Variants in PTPRN2 observed in about 807,000 individuals in gnomAD.
The protein encoded by PTPRN2 is receptor-type tyrosine-protein phosphatase N2.
Under a neutral mutation model 118.8 loss-of-function variants are expected in PTPRN2, and 74 were observed. The ratio of observed to expected loss-of-function variants is 0.62; its 90% CI spans 0.52 to 0.76. PTPRN2 has a LOEUF of 0.76. PTPRN2 is among the 30% of genes least tolerant of loss of function. The probability of loss-of-function intolerance (pLI) is 0.00; values close to 1 mark genes in which losing one functional copy is unlikely to be tolerated. For synonymous variants in PTPRN2, 641 were observed against 608.0 expected (o/e 1.05, Z -0.80); for missense variants, 1,481 against 1,394.4 (o/e 1.06, Z -0.99).
At chr7:158,368,387 T>C (rs1208335341) in intron 2 of PTPRN2, among the ~76,000 whole-genome samples, 2 of 152,124 alleles carry the variant, frequency 1.3e-5, no homozygotes, top group Non-Finnish European at 2.9e-5. Context: ...ACAAACTTTC[T>C]TGAAAAAGAA....
intron 11 of PTPRN2, among the ~76,000 whole-genome samples, chr7:157,980,034 G>C (rs1038107495): frequency 3.9e-5 from 6 of 152,222 alleles, no homozygotes; most frequent in African/African-American, 1.4e-4. Context: ...GCCTCATAAA[G>C]ATAATCACTG....
chr7:157,851,930 TCGCTGCGGGCAACAC>T (rs528826491), intron 12 of PTPRN2, among the ~76,000 whole-genome samples: 59 of 152,324 alleles, frequency 3.9e-4, no homozygotes, highest in Non-Finnish European at 4.1e-4. Flanking sequence ...TCCGCCCACC[TCGCTGCGGGCAACAC>T]CCGTTTTCCT....
chr7:158,226,787 G>A (rs1405835664), intron 3 of PTPRN2, among the ~76,000 whole-genome samples: 5 of 151,180 alleles, frequency 3.3e-5, no homozygotes, highest in South Asian at 4.2e-4. Flanking sequence ...AGCCTCTCAC[G>A]TATCACTGTG....
intron 2 of PTPRN2, among the ~76,000 whole-genome samples, chr7:158,472,418 C>T (rs779020272): frequency 8.5e-5 from 13 of 152,286 alleles, no homozygotes; most frequent in East Asian, 3.9e-4. Flanking sequence ...TTGTCAGTGA[C>T]GGTGCAGAAA....
At chr7:158,535,604 A>T (rs1454298555) in intron 1 of PTPRN2, among the ~76,000 whole-genome samples, 1 of 152,118 alleles carries the variant, frequency 6.6e-6, no homozygotes, top group Non-Finnish European at 1.5e-5. Flanking sequence ...TTCTTGTAGC[A>T]TTCAGGTGGC....
chr7:157,945,708 A>G (rs1189004945), intron 11 of PTPRN2, among the ~76,000 whole-genome samples: 6 of 146,732 alleles, frequency 4.1e-5, no homozygotes, highest in Non-Finnish European at 9.0e-5. Context: ...GTCACCTCCA[A>G]CTTGGATGAT....
At chr7:158,062,845 G>A (rs747792542) in intron 11 of PTPRN2, among the ~76,000 whole-genome samples, 7 of 152,212 alleles carry the variant, frequency 4.6e-5, no homozygotes, top group Non-Finnish European at 8.8e-5. Context: ...CACCATGCCT[G>A]AGCCTCCCCT....
At chr7:157,814,431 GGCAGGACGGGA>G (rs1806257158) in intron 12 of PTPRN2, among the ~76,000 whole-genome samples, 1 of 151,912 alleles carries the variant, frequency 6.6e-6, no homozygotes, top group Non-Finnish European at 1.5e-5. Context: ...CTCGACATGG[GGCAGGACGGGA>G]GCAGGATGGG....
chr7:157,770,051 T>C (rs1335920284), intron 12 of PTPRN2, among the ~76,000 whole-genome samples: 1 of 152,178 alleles, frequency 6.6e-6, no homozygotes, highest in African/African-American at 2.4e-5. Flanking sequence ...TGTGGCTTCC[T>C]TGGTCTCCGA....
intron 1 of PTPRN2, among the ~76,000 whole-genome samples, chr7:158,587,058 G>A (rs1044666857): frequency 1.3e-5 from 2 of 151,978 alleles, no homozygotes; most frequent in African/African-American, 4.8e-5. Context: ...CAGAGCCTGG[G>A]GGTGTCGCGC....
At position 157,671,346 on chromosome 7, in the gene PTPRN2, A is replaced by C. The variant is rs1284128858; in HGVS notation, c.2001+11379T>G. Reference sequence around the variant, plus strand: ...CAATGAGGAAGTCACCCTACACTGGAGGGATGGTGACGAGACGTCACCGCA... The same window carrying C: ...CAATGAGGAAGTCACCCTACACTGGCGGGATGGTGACGAGACGTCACCGCA... On this transcript the variant is annotated intron_variant, in intron 13 of 22. Coordinates refer to ENST00000389418, the MANE Select transcript of PTPRN2 (RefSeq NM_002847.5). This position sits in a 1 kb window ranked among gnomAD's most constrained non-coding sequence, Gnocchi z 4.1. 6.6e-6 allele frequency among the ~76,000 whole-genome samples: 1 copy of C among 152,070 alleles called. No homozygotes were observed. The highest frequency in any genetic ancestry group is 1.5e-5 in the Non-Finnish European group (1 of 67,990).
intron 10 of PTPRN2, among the ~76,000 whole-genome samples, chr7:158,108,789 C>A (rs924372035): frequency 2.0e-5 from 3 of 152,254 alleles, no homozygotes; most frequent in African/African-American, 7.2e-5. Context: ...TAATAAATGG[C>A]AGAATTGAGG....
At chr7:158,535,641 T>C (rs966195544) in intron 1 of PTPRN2, among the ~76,000 whole-genome samples, 2 of 151,966 alleles carry the variant, frequency 1.3e-5, no homozygotes, top group African/African-American at 4.8e-5. Flanking sequence ...AAACAATTAA[T>C]AGGCAACCAT....
chr7:157,762,432 A>G (rs1018479481), intron 12 of PTPRN2, among the ~76,000 whole-genome samples: 1 of 152,114 alleles, frequency 6.6e-6, no homozygotes, highest in African/African-American at 2.4e-5. Flanking sequence ...TGATGAGTTC[A>G]TGTCCTTTGT....
intron 12 of PTPRN2, among the ~76,000 whole-genome samples, chr7:157,759,179 G>C (rs112658237): frequency 1.3e-5 from 2 of 152,220 alleles, no homozygotes; most frequent in African/African-American, 2.4e-5. Context: ...TGGGAGCATC[G>C]GTGCCTGGGC....
chr7:157,761,152 T>C (rs1488280161), intron 12 of PTPRN2, among the ~76,000 whole-genome samples: 1 of 151,434 alleles, frequency 6.6e-6, no homozygotes, highest in African/African-American at 2.4e-5. Context: ...AGAATCAATA[T>C]CGTGAAAATG....
Position 157,851,759 on chromosome 7 carries a change from T to G in PTPRN2, c.1788+46914A>C, listed in dbSNP as rs763672658. 8.5e-4 allele frequency among the ~76,000 whole-genome samples: 130 copies of G among 152,372 alleles called. 1 individual carries two copies. Among genetic ancestry groups the G allele is most frequent in the Non-Finnish European group, 3.7e-4 (25 of 68,040 alleles). On this transcript the variant is annotated intron_variant, in intron 12 of 22. Coordinates refer to ENST00000389418, the MANE Select transcript of PTPRN2 (RefSeq NM_002847.5). ...AGCCTCTCCTGTAACAGTGTGGTCCTTCCAGCCTTCTCTCACATGCGGAAT... is the reference window on the plus strand; with the variant it reads ...AGCCTCTCCTGTAACAGTGTGGTCCGTCCAGCCTTCTCTCACATGCGGAAT...
intron 3 of PTPRN2, among the ~76,000 whole-genome samples, chr7:158,252,836 C>A (rs1194748190): frequency 1.3e-5 from 2 of 152,156 alleles, no homozygotes; most frequent in East Asian, 3.9e-4. Flanking sequence ...CATGAGCCAC[C>A]CCCACCACCC....
intron 2 of PTPRN2, among the ~76,000 whole-genome samples, chr7:158,322,369 C>G (rs568853815): frequency 8.7e-4 from 133 of 152,358 alleles, no homozygotes; most frequent in Non-Finnish European, 1.4e-3. Context: ...GAGCACCTGA[C>G]AGAGGGCACT....
Sources: gnomAD v4.1 joint callset for allele counts (sites outside exome capture counted in the v4.1 genomes callset) on GRCh38, gnomAD v4.1.1 for gene constraint, Gnocchi (gnomAD v3.1) non-coding constraint, MANE v1.5 for transcripts, NCBI Gene and HGNC (gene_info 2026-07-23, HGNC 2026-07-21) for gene names.